The following KDM4B variants were observed in gnomAD, a reference collection of about 807,000 sequenced individuals.
KDM4B encodes lysine-specific demethylase 4B.
In KDM4B, 32 loss-of-function variants were observed where a neutral mutation model predicts 125.2. The observed-to-expected ratio is 0.26, with a 90% confidence interval of 0.19 to 0.34. KDM4B has a LOEUF of 0.34. Among genes scored for constraint, KDM4B ranks in the 10% least tolerant of loss-of-function variants. The probability of loss-of-function intolerance (pLI) is 1.00; values close to 1 mark genes in which losing one functional copy is unlikely to be tolerated. For synonymous variants in KDM4B, 721 were observed against 677.9 expected, an observed-to-expected ratio of 1.06 and a Z score of -0.99; for missense variants, 1,190 against 1,577.7, an observed-to-expected ratio of 0.75 and a Z score of 4.16.
intron 11 of KDM4B, among the ~76,000 whole-genome samples, chr19:5,121,727 A>G (rs2039365900): frequency 6.6e-6 from 1 of 152,152 alleles, no homozygotes; most frequent in Non-Finnish European, 1.5e-5. Context: ...GTGTTAGGAG[A>G]GCTCTTAAGC....
At chr19:5,049,434 A>C (rs1035762872) in intron 6 of KDM4B, among the ~76,000 whole-genome samples, 3 of 149,772 alleles carry the variant, frequency 2.0e-5, no homozygotes, top group South Asian at 2.2e-4. Flanking sequence ...TCTTTCGGGA[A>C]GGGAATTCCG....
rs75006902 is a variant in KDM4B, at chr19:4,986,114, C to T, written c.-109+16884C>T. Among the ~76,000 whole-genome samples the T allele has an allele frequency of 7.0e-3, 1,072 of 152,336 alleles. 9 individuals carry two copies. The highest frequency in any genetic ancestry group is 0.025 in the African/African-American group (1,030 of 41,584). On this transcript the variant is annotated intron_variant, in intron 1 of 22. Transcript: ENST00000159111. ...TGCCCCGGGGGAGTAGTGATGGATT[C>T]AGGACTTGGTCCTGGTCTGACCTGC...
intron 18 of KDM4B, among the ~76,000 whole-genome samples, chr19:5,139,534 C>T (rs1305682325): frequency 6.6e-6 from 1 of 152,244 alleles, no homozygotes; most frequent in Admixed American, 6.5e-5. Context: ...GGACTCCCAT[C>T]CGCACCCCCC....
chr19:5,145,084 A>G (rs2039818948), intron 21 of KDM4B, among the ~76,000 whole-genome samples, 182 bp downstream of exon 21: 1 of 152,186 alleles, frequency 6.6e-6, no homozygotes, highest in Non-Finnish European at 1.5e-5. Flanking sequence ...AGTTAGAAGC[A>G]CAGGGCTTGT....
chr19:5,004,852 C>T (rs974547336), intron 1 of KDM4B, among the ~76,000 whole-genome samples: 4 of 152,156 alleles, frequency 2.6e-5, no homozygotes, highest in Non-Finnish European at 5.9e-5. Flanking sequence ...CAGCCCCCAG[C>T]CTGACCCCAG....
chr19:5,122,737 C>T (rs929165665), intron 11 of KDM4B, among the ~76,000 whole-genome samples: 3 of 152,212 alleles, frequency 2.0e-5, no homozygotes, highest in South Asian at 2.1e-4. Context: ...CTCAGCCCCC[C>T]AAGGAAGAGG....
At chr19:5,063,756 A>G (rs1310433696) in intron 6 of KDM4B, among the ~76,000 whole-genome samples, 6 of 152,224 alleles carry the variant, frequency 3.9e-5, no homozygotes, top group Non-Finnish European at 8.8e-5. Flanking sequence ...CATAGCATAC[A>G]TAGAAGGCGC....
intron 11 of KDM4B, among the ~76,000 whole-genome samples, chr19:5,128,277 G>C (rs1444355010): frequency 6.6e-6 from 1 of 152,210 alleles, no homozygotes; most frequent in Non-Finnish European, 1.5e-5. Flanking sequence ...TGTGTGCACT[G>C]AGTGGCCCTG....
chr19:5,053,324 C>T (rs1031276969), intron 6 of KDM4B, among the ~76,000 whole-genome samples: 1 of 152,196 alleles, frequency 6.6e-6, no homozygotes, highest in Non-Finnish European at 1.5e-5. Flanking sequence ...GGGGGCAGCC[C>T]GATGCGTGCC....
At chr19:4,970,150 G>T (rs576121035) in intron 1 of KDM4B, among the ~76,000 whole-genome samples, 4 of 152,322 alleles carry the variant, frequency 2.6e-5, no homozygotes, top group African/African-American at 9.6e-5. Flanking sequence ...TGACAATCAG[G>T]CAGGACGGGG....
chr19:5,019,206 G>A (rs1358111969), intron 2 of KDM4B, among the ~76,000 whole-genome samples: 4 of 150,390 alleles, frequency 2.7e-5, no homozygotes, highest in Non-Finnish European at 4.4e-5. Flanking sequence ...TGGTGTGCAG[G>A]TGCTGGTGTG....
intron 3 of KDM4B, among the ~76,000 whole-genome samples, chr19:5,034,651 C>T (rs2036562161): frequency 6.6e-6 from 1 of 152,198 alleles, no homozygotes; most frequent in African/African-American, 2.4e-5. Context: ...TTCCGGGCCG[C>T]CTCCACCCTG....
intron 1 of KDM4B, among the ~76,000 whole-genome samples, chr19:5,007,134 C>T (rs1264380096): frequency 6.6e-6 from 1 of 152,252 alleles, no homozygotes. Flanking sequence ...GCACCCCCTG[C>T]CAACCTCCAT....
In KDM4B at chr19:5,081,487, GGGGT is replaced by G. The variant is rs1312370165; in HGVS notation, c.781-877_781-874del. 1.3e-5 allele frequency among the ~76,000 whole-genome samples: 2 copies of G among 152,150 alleles called. No homozygotes were observed. The highest frequency in any genetic ancestry group is 1.5e-5 in the Non-Finnish European group (1 of 68,014). The stretch of plus-strand genomic sequence containing the variant: ...AGCCCTGCCTTTTCTTCCAGACCTT[GGGGT>G]GGCTGTTGGGAAACCTTGGGTCTGG... On this transcript the variant is annotated intron_variant, in intron 8 of 22. Transcript: ENST00000159111. This position sits in a 1 kb window ranked among gnomAD's most constrained non-coding sequence, Gnocchi z 4.2.
At chr19:5,020,760 C>T (rs936541912) in intron 2 of KDM4B, among the ~76,000 whole-genome samples, 3 of 152,174 alleles carry the variant, frequency 2.0e-5, no homozygotes, top group Non-Finnish European at 2.9e-5. Flanking sequence ...GTTCAGGCCT[C>T]GTAACTTTTC....
chr19:5,145,668 C>T (rs986204719), intron 21 of KDM4B, among the ~76,000 whole-genome samples: 1 of 152,180 alleles, frequency 6.6e-6, no homozygotes, highest in Non-Finnish European at 1.5e-5. Flanking sequence ...CAGCTAGAAG[C>T]GTCGCTCCCA....
chr19:5,104,700 T>C (rs909977254), intron 9 of KDM4B, among the ~76,000 whole-genome samples: 6 of 151,970 alleles, frequency 3.9e-5, no homozygotes, highest in Non-Finnish European at 8.8e-5. Context: ...AGGTGGAGCG[T>C]ATTGGAACTG....
chr19:4,980,585 G>T (rs1282747272), intron 1 of KDM4B, among the ~76,000 whole-genome samples: 4 of 151,714 alleles, frequency 2.6e-5, no homozygotes, highest in Non-Finnish European at 5.9e-5. Context: ...CACCACACCC[G>T]GCTAATTTTT....
In KDM4B at chr19:5,115,469, A is replaced by G. The variant is rs2039237292; in HGVS notation, c.1116-4184A>G. 6.6e-6 allele frequency among the ~76,000 whole-genome samples: 1 copy of G among 152,188 alleles called. No homozygotes were observed. Among genetic ancestry groups the G allele is most frequent in the South Asian group, 2.1e-4 (1 of 4,828 alleles). On this transcript the variant is annotated intron_variant, in intron 10 of 22. Transcript: ENST00000159111. This position sits in a 1 kb window ranked among gnomAD's most constrained non-coding sequence, Gnocchi z 4.2. ...GGGGCCCAGTGGAGCAAAGCCACAT[A>G]TGCTGATACTGGGGCTCTCCTAAAG...
Sources: allele counts gnomAD v4.1 joint callset (sites outside exome capture counted in the v4.1 genomes callset), GRCh38; gene constraint gnomAD v4.1.1; non-coding constraint Gnocchi (gnomAD v3.1); transcripts MANE v1.5; gene names NCBI Gene and HGNC (gene_info 2026-07-23, HGNC 2026-07-21).